ME1: variants seen among roughly 807,000 people sequenced by gnomAD.
The protein encoded by ME1 is NADP-dependent malic enzyme.
A neutral mutation model predicts 66.4 loss-of-function variants in ME1; 74 were observed. That is an observed-to-expected ratio of 1.11 (90% CI 0.92 to 1.35). The LOEUF is 1.35. ME1 is among the 40% of genes most tolerant of loss of function. The pLI, the probability that ME1 is intolerant of heterozygous loss-of-function variation, is 0.00. For synonymous variants in ME1, 251 were observed against 235.6 expected (o/e 1.07, Z -0.60); for missense variants, 750 against 694.1 (o/e 1.08, Z -0.90).
At chr6:83,304,063 G>C (rs184996141) in intron 6 of ME1, among the ~76,000 whole-genome samples, 5 of 152,208 alleles carry the variant, frequency 3.3e-5, no homozygotes, top group Non-Finnish European at 7.4e-5. Context: ...CTTGATAAAA[G>C]TAATTTGTTT....
chr6:83,373,390 C>A (rs964981537), intron 3 of ME1, among the ~76,000 whole-genome samples: 1 of 152,096 alleles, frequency 6.6e-6, no homozygotes, highest in Non-Finnish European at 1.5e-5. Context: ...TAGGTGCCAA[C>A]AAGCCCAGCT....
At chr6:83,427,710 G>GA (rs922175962) in intron 1 of ME1, among the ~76,000 whole-genome samples, 26 of 151,156 alleles carry the variant, frequency 1.7e-4, no homozygotes, top group African/African-American at 5.3e-4. Context: ...AAAGAAATAA[G>GA]AAAAAAAAAT....
At chr6:83,230,132 T>G (rs1178440522) in intron 9 of ME1, among the ~76,000 whole-genome samples, 1 of 151,880 alleles carries the variant, frequency 6.6e-6, no homozygotes, top group African/African-American at 2.4e-5. Flanking sequence ...GGCTCTGTTT[T>G]TTTTTGTTGT....
chr6:83,247,326 G>A (rs1790642580), intron 7 of ME1, among the ~76,000 whole-genome samples: 1 of 151,740 alleles, frequency 6.6e-6, no homozygotes, highest in African/African-American at 2.4e-5. Context: ...TAATTATGTG[G>A]CCAATTTCTT....
intron 6 of ME1, among the ~76,000 whole-genome samples, chr6:83,263,773 CATAACATAACATAACAT>C (rs1456431246): frequency 2.0e-4 from 8 of 40,358 alleles, no homozygotes; most frequent in African/African-American, 1.1e-3. Flanking sequence ...CATAACATAA[CATAACATAACATAACAT>C]AACATAACAT....
chr6:83,406,928 CCTT>C (rs148187258), intron 2 of ME1, among the ~76,000 whole-genome samples: 3,610 of 151,590 alleles, frequency 0.024, 151 homozygotes, highest in East Asian at 0.15. Flanking sequence ...TTCTCCCTCT[CCTT>C]CTTTCTCCCT....
chr6:83,262,561 T>A (rs1217488743), intron 6 of ME1, among the ~76,000 whole-genome samples: 1 of 152,196 alleles, frequency 6.6e-6, no homozygotes, highest in Non-Finnish European at 1.5e-5. Context: ...ACTGTTTATT[T>A]CTAAAAGCCA....
intron 6 of ME1, among the ~76,000 whole-genome samples, chr6:83,265,023 T>C (rs376997073): frequency 2.1e-4 from 32 of 152,278 alleles, no homozygotes; most frequent in Middle Eastern, 6.8e-3. Flanking sequence ...GAAGAGTCAA[T>C]TGATGTTGCA....
intron 12 of ME1, among the ~76,000 whole-genome samples, chr6:83,223,384 G>T (rs1790128803): frequency 6.6e-6 from 1 of 152,062 alleles, no homozygotes; most frequent in Non-Finnish European, 1.5e-5. Context: ...CGAACTCCTG[G>T]GCTCAAGTGA....
At chr6:83,375,963 T>G (rs555575090) in intron 3 of ME1, among the ~76,000 whole-genome samples, 1 of 152,034 alleles carries the variant, frequency 6.6e-6, no homozygotes, top group African/African-American at 2.4e-5. Flanking sequence ...ACATACGTAC[T>G]TCCAAGTAAT....
At chr6:83,420,523 T>C (rs975569273) in intron 1 of ME1, among the ~76,000 whole-genome samples, 2 of 152,260 alleles carry the variant, frequency 1.3e-5, no homozygotes, top group East Asian at 3.8e-4. Context: ...AACTCACTTT[T>C]ATTTTGCTTT....
At chr6:83,315,115 G>T (rs1768005285) in intron 6 of ME1, among the ~76,000 whole-genome samples, 195 bp downstream of exon 6, 1 of 152,078 alleles carries the variant, frequency 6.6e-6, no homozygotes. Flanking sequence ...GACAGCAACA[G>T]AAATAATCTA....
At chr6:83,355,231 A>G (rs914908575) in intron 3 of ME1, among the ~76,000 whole-genome samples, 2 of 152,164 alleles carry the variant, frequency 1.3e-5, no homozygotes, top group Admixed American at 1.3e-4. Flanking sequence ...TTGAATTACT[A>G]AGACATTCTT....
chr6:83,393,950 T>G (rs989262677), intron 3 of ME1, among the ~76,000 whole-genome samples: 1 of 152,078 alleles, frequency 6.6e-6, no homozygotes, highest in Admixed American at 6.5e-5. Context: ...TGTAGTATGA[T>G]TCCTTCATCT....
intron 1 of ME1, among the ~76,000 whole-genome samples, chr6:83,418,142 T>C (rs948673660): frequency 6.6e-6 from 1 of 152,224 alleles, no homozygotes; most frequent in Non-Finnish European, 1.5e-5. Flanking sequence ...CTTTTACAGT[T>C]ACTTTATGGG....
At chr6:83,421,949 T>C (rs781454650) in intron 1 of ME1, among the ~76,000 whole-genome samples, 73 of 152,158 alleles carry the variant, frequency 4.8e-4, no homozygotes, top group African/African-American at 8.9e-4. Flanking sequence ...TCCAATCGTA[T>C]GGCATCAGAT....
intron 5 of ME1, among the ~76,000 whole-genome samples, chr6:83,328,506 GTTTT>G (rs950775069): frequency 1.3e-5 from 2 of 151,978 alleles, no homozygotes; most frequent in Non-Finnish European, 2.9e-5. Flanking sequence ...TTAAAAATTA[GTTTT>G]TTTAATTTCA....
chr6:83,358,120 G>C (rs1431522391), intron 3 of ME1, among the ~76,000 whole-genome samples: 1 of 151,172 alleles, frequency 6.6e-6, no homozygotes, highest in Non-Finnish European at 1.5e-5. Flanking sequence ...CATTGGTTTT[G>C]GGGTTTTGGG....
At chr6:83,218,316 A>G (rs1233941024) in intron 12 of ME1, among the ~76,000 whole-genome samples, 1 of 152,138 alleles carries the variant, frequency 6.6e-6, no homozygotes, top group Non-Finnish European at 1.5e-5. Context: ...CCTACTGGGT[A>G]ATGTAGTGGC....
Sources: allele counts gnomAD v4.1 joint callset (sites outside exome capture counted in the v4.1 genomes callset), GRCh38; gene constraint gnomAD v4.1.1; transcripts MANE v1.5; gene names NCBI Gene and HGNC (gene_info 2026-07-23, HGNC 2026-07-21).